FGFR3: variants seen among roughly 807,000 people sequenced by gnomAD.
FGFR3 encodes the protein FGFR-3.
FGFR3 carries 25 observed loss-of-function variants against 82.9 expected under a neutral mutation model. That is an observed-to-expected ratio of 0.30 (90% CI 0.22 to 0.42). The LOEUF (loss-of-function observed/expected upper bound fraction) is 0.42, where lower values mean the gene tolerates loss of function less well. Among genes scored for constraint, FGFR3 ranks in the 10% least tolerant of loss-of-function variants. The pLI is 1.00. For missense variants in FGFR3, 1,026 were observed against 1,161.0 expected (o/e 0.88, Z 1.69); for synonymous variants, 620 against 516.0 (o/e 1.20, Z -2.73).
intron 10 of FGFR3, 151 bp downstream of exon 10, chr4:1,805,120 C>T (rs557074922): frequency 3.8e-5 from 50 of 1,323,446 alleles, no homozygotes; most frequent in African/African-American, 2.8e-4. Flanking sequence ...GCTCCTGGGA[C>T]GGGTGTATGG....
intron 7 of FGFR3, chr4:1,802,944 G>T (rs764395593): frequency 1.2e-6 from 2 of 1,602,750 alleles, no homozygotes. Context: ...GGAGGCCGAC[G>T]TGCGCCTCCG....
At chr4:1,803,875 G>A (rs762559837) in intron 8 of FGFR3, 39 bp downstream of exon 8, 6 of 1,599,230 alleles carry the variant, frequency 3.8e-6, no homozygotes, top group Admixed American at 1.7e-5. Context: ...CGCACTGTCT[G>A]GGGGACGCTG....
chr4:1,807,638 C>T lies in FGFR3; in HGVS notation c.*376C>T. The T allele has an allele frequency of 1.6e-6, 1 of 642,122 alleles. No homozygotes were observed. Among genetic ancestry groups the T allele is most frequent in the Non-Finnish European group, 3.0e-6 (1 of 338,474 alleles). 39.8% of individuals were successfully genotyped at this position (642,122 alleles called of 1,614,324 possible). A position where few individuals can be genotyped will look rare whatever the true frequency, so the allele number is the denominator to read the frequency against. On this transcript the variant is annotated 3_prime_UTR_variant, in exon 18 of 18. Coordinates refer to ENST00000440486, the MANE Select transcript of FGFR3 (RefSeq NM_000142.5). The stretch of plus-strand genomic sequence containing the variant: ...CATGGCTCCGGCCTCTGCCTTTGCA[C>T]CACGGGACATCACAGGGTGGGCCTC...
intron 2 of FGFR3, among the ~76,000 whole-genome samples, chr4:1,796,606 C>T (rs527676294): frequency 3.3e-5 from 5 of 152,252 alleles, no homozygotes; most frequent in African/African-American, 1.2e-4. Context: ...GGGGTCAACC[C>T]GAGGGGCTTA....
At position 1,804,474 on chromosome 4, in the gene FGFR3, G is replaced by A. The variant is rs2108797966; in HGVS notation, c.1220G>A (p.Gly407Asp). The change falls in exon 9 of 18, where the codon GGC (glycine) becomes GAC (aspartate). Residue 407 changes from glycine (G) to aspartate (D), a missense_variant. Physicochemically the swap from Gly to Asp is moderately conservative, Grantham distance 94 (BLOSUM62 -1). Coordinates refer to ENST00000440486, the MANE Select transcript of FGFR3 (RefSeq NM_000142.5). ...RLRSPPKKGLGSPTVHKISRF... is the reference protein window; with the variant it reads ...RLRSPPKKGLDSPTVHKISRF... ...CGCAGCCCCCCCAAGAAAGGCCTGG[G>A]CTCCCCCACCGTGCACAAGATCTCC... The A allele has an allele frequency of 6.2e-7, 1 of 1,613,130 alleles. No individual in the cohort carries two copies. Among genetic ancestry groups the A allele is most frequent in the Non-Finnish European group, 8.5e-7 (1 of 1,179,922 alleles).
Position 1,808,637 on chromosome 4 carries a change from G to A in FGFR3, c.*1375G>A. The stretch of plus-strand genomic sequence containing the variant: ...CTTCTAGAGTTTTATAGCCTGGACT[G>A]CTACCTTTCAAAGCTTGGAGGGAAG... On this transcript the variant is annotated 3_prime_UTR_variant, in exon 18 of 18. Transcript: ENST00000440486. The A allele has an allele frequency of 4.3e-6, 1 of 231,576 alleles. No individual in the cohort carries two copies. The highest frequency in any genetic ancestry group is 8.6e-6 in the Non-Finnish European group (1 of 116,806). The allele number at this position is 231,576 out of a possible 1,614,324, so 14.3% of individuals were successfully genotyped here.
chr4:1,799,574 CCT>C, intron 3 of FGFR3, 51 bp downstream of exon 3: 1 of 1,549,734 alleles, frequency 6.5e-7, no homozygotes, highest in Non-Finnish European at 8.7e-7. Flanking sequence ...TGCCGGGCTC[CCT>C]GAGTCCCTGC....
At chr4:1,802,838 G>T in intron 7 of FGFR3, 1 of 1,500,044 alleles carries the variant, frequency 6.7e-7, no homozygotes, top group Non-Finnish European at 8.9e-7. Context: ...GTACCTTGGG[G>T]GTCTCCCACA....
intron 10 of FGFR3, among the ~76,000 whole-genome samples, 162 bp from the exon 11 acceptor site, chr4:1,805,193 G>A (rs1034105677): frequency 2.0e-5 from 3 of 152,358 alleles, no homozygotes; most frequent in Admixed American, 6.5e-5. Context: ...GGCTGTGGGT[G>A]ACACTCTTCG....
At chr4:1,804,173 G>A (rs1560429348) in intron 8 of FGFR3, among the ~76,000 whole-genome samples, 157 bp from the exon 9 acceptor site, 1 of 152,214 alleles carries the variant, frequency 6.6e-6, no homozygotes, top group Non-Finnish European at 1.5e-5. Flanking sequence ...TAGACTCACT[G>A]GCGTTACTGA....
chr4:1,804,288 G>C lies in FGFR3; in HGVS notation c.1076-42G>C, dbSNP rs17884871. 8.6e-3 allele frequency: 13,323 copies of C among 1,548,390 alleles called. 90 individuals carry two copies. Among genetic ancestry groups the C allele is most frequent in the Non-Finnish European group, 9.1e-3 (10,474 of 1,152,300 alleles). On this transcript the variant is annotated intron_variant, in intron 8 of 17. Transcript: ENST00000440486. ...AGGGGCATCCATGGGAGCCCCGTGGGGGGGGGGGCCAGGCCAGGCCTCAAC... is the reference window on the plus strand; with the variant it reads ...AGGGGCATCCATGGGAGCCCCGTGGCGGGGGGGGCCAGGCCAGGCCTCAAC...
At chr4:1,797,029 G>A (rs1160337655) in intron 2 of FGFR3, among the ~76,000 whole-genome samples, 2 of 152,152 alleles carry the variant, frequency 1.3e-5, no homozygotes, top group African/African-American at 4.8e-5. Context: ...ACGTGTTGTG[G>A]GATCCATAGA....
chr4:1,805,114 C>T lies in FGFR3; in HGVS notation c.1412+145C>T, dbSNP rs1721718576. The T allele has an allele frequency of 9.8e-6, 13 of 1,328,640 alleles. No homozygotes were observed. The South Asian group carries it at 1.3e-4, about 13-fold the overall frequency. The allele number at this position is 1,328,640 out of a possible 1,614,324, so 82.3% of individuals were successfully genotyped here. Reference sequence around the variant, plus strand: ...TGGCTGGGGTTCTGTGGAGATGCTCCTGGGACGGGTGTATGGCAGGGACTG... The same window carrying T: ...TGGCTGGGGTTCTGTGGAGATGCTCTTGGGACGGGTGTATGGCAGGGACTG... On this transcript the variant is annotated intron_variant, in intron 10 of 17. Transcript: ENST00000440486.
chr4:1,795,569 C>T (rs1188625066), intron 2 of FGFR3, among the ~76,000 whole-genome samples: 2 of 152,348 alleles, frequency 1.3e-5, no homozygotes, highest in African/African-American at 4.8e-5. Context: ...GGACTGAGGT[C>T]TAGGCTGGCG....
rs764231473 is a variant in FGFR3, at chr4:1,807,620, C to T, written c.*358C>T. 6 of 656,464 alleles carry T rather than the reference C, an allele frequency of 9.1e-6. No homozygotes were observed. The highest frequency in any genetic ancestry group is 1.7e-5 in the Non-Finnish European group (6 of 347,816). 40.7% of individuals were successfully genotyped at this position (656,464 alleles called of 1,614,324 possible). On this transcript the variant is annotated 3_prime_UTR_variant, in exon 18 of 18. Coordinates refer to ENST00000440486, the MANE Select transcript of FGFR3 (RefSeq NM_000142.5). ...GCAGGGAGCTGGGCCCGACATGGCTCCGGCCTCTGCCTTTGCACCACGGGA... is the reference window on the plus strand; with the variant it reads ...GCAGGGAGCTGGGCCCGACATGGCTTCGGCCTCTGCCTTTGCACCACGGGA...
rs779554720 is a variant in FGFR3 at position 1,804,460 on chromosome 4, C to A, written c.1206C>A (p.Pro402=). ...CGCTCTGCCGCCTGCGCAGCCCCCC[C>A]AAGAAAGGCCTGGGCTCCCCCACCG... ...AVTLCRLRSP[P]KKGLGSPTVH... is the part of the protein sequence containing the mutation. The change falls in exon 9 of 18, where the codon CCC becomes CCA. Residue 402 remains proline (P), a synonymous_variant. Coordinates refer to ENST00000440486, the MANE Select transcript of FGFR3 (RefSeq NM_000142.5). 153 of 1,612,998 alleles carry A rather than the reference C, an allele frequency of 9.5e-5. No individual in the cohort carries two copies. Among genetic ancestry groups the A allele is most frequent in the Non-Finnish European group, 1.2e-4 (147 of 1,179,840 alleles).
In FGFR3 at chr4:1,795,924, C is replaced by T. The variant is rs1212712036; in HGVS notation, c.109+1881C>T. On this transcript the variant is annotated intron_variant, in intron 2 of 17. Coordinates refer to ENST00000440486, the MANE Select transcript of FGFR3 (RefSeq NM_000142.5). ...CATTAACCTGGGCTGAGCCTGGCCT[C>T]CAGGTCCTTGTGTGAGCCTAGGAAC... Among the ~76,000 whole-genome samples the T allele has an allele frequency of 2.0e-5, 3 of 152,184 alleles. No homozygotes were observed. The East Asian group carries it at 5.8e-4, about 29-fold the overall frequency.
chr4:1,805,759 A>T lies in FGFR3; in HGVS notation c.1655A>T (p.Tyr552Phe). Residue 552 changes from tyrosine (Y) to phenylalanine (F), a missense_variant, in exon 13 of 18, where the codon TAC becomes TTC. Around this residue, in one of 9 missense-constraint regions of FGFR3, gnomAD observed 164 missense variants for 167.5 expected, o/e 0.98. Transcript: ENST00000440486. ...LGACTQGGPL[Y>F]VLVEYAAKGN... Reference sequence around the variant, plus strand: ...GAGCCCGTGTCCCCAGGGCCCCTGTACGTGCTGGTGGAGTACGCGGCCAAG... The same window carrying T: ...GAGCCCGTGTCCCCAGGGCCCCTGTTCGTGCTGGTGGAGTACGCGGCCAAG... 6.2e-7 allele frequency: 1 copy of T among 1,612,452 alleles called. No individual in the cohort carries two copies. The highest frequency in any genetic ancestry group is 1.3e-5 in the African/African-American group (1 of 74,992).
chr4:1,801,502 A>T lies in FGFR3; in HGVS notation c.581A>T (p.Glu194Val), dbSNP rs756575558. ...PSISWLKNGR[E>V]FRGEHRIGGI... ...ATCTCCTGGCTGAAGAACGGCAGGG[A>T]GTTCCGCGGCGAGCACCGCATTGGA... The change falls in exon 5 of 18, where the codon GAG becomes GTG. Residue 194 changes from glutamate to valine, a missense_variant. Transcript: ENST00000440486. 7 of 1,561,100 alleles carry T rather than the reference A, an allele frequency of 4.5e-6. No homozygotes were observed. In the South Asian group the frequency reaches 8.2e-5, roughly 18 times the overall value.
Sources: gnomAD v4.1 joint callset for allele counts (sites outside exome capture counted in the v4.1 genomes callset) on GRCh38, gnomAD v4.1.1 for gene constraint, gnomAD v4.1.1 regional missense constraint, MANE v1.5 for transcripts, NCBI Gene and HGNC (gene_info 2026-07-23, HGNC 2026-07-21) for gene names.